The following GLB1 variants were observed in gnomAD, a reference collection of about 807,000 sequenced individuals.
GLB1 encodes beta-galactosidase.
In GLB1, 56 loss-of-function variants were observed where a neutral mutation model predicts 74.0. The observed-to-expected ratio is 0.76, with a 90% CI of 0.61 to 0.94. The LOEUF is 0.94. Ranked by LOEUF, GLB1 falls within the 40% of genes least tolerant of loss-of-function variation. The pLI is 0.00. For synonymous variants in GLB1, 323 were observed against 323.6 expected (o/e 1.00, Z 0.02); for missense variants, 787 against 845.5 (o/e 0.93, Z 0.86).
At chr3:32,963,295 A>T in the GLB1 span, among the ~76,000 whole-genome samples, 1 of 152,214 alleles carries the variant, frequency 6.6e-6, no homozygotes, top group Non-Finnish European at 1.5e-5. Context: ...AAACAGAAAA[A>T]AAATATTTAA....
chr3:32,997,201 G>A lies in GLB1; in HGVS notation c.1878C>T (p.Cys626=). The A allele has an allele frequency of 6.2e-7, 1 of 1,614,202 alleles. No individual in the cohort carries two copies. Among genetic ancestry groups the A allele is most frequent in the Non-Finnish European group, 8.5e-7 (1 of 1,180,044 alleles). ...ITVLELEWAP[C]SSDDPELCAV... is the part of the protein sequence containing the mutation. ...CACATAGTTCTGGATCATCACTGCTGCAGGGTGCCCACTCCAGTTCCAGCA... is the reference window on the plus strand; with the variant it reads ...CACATAGTTCTGGATCATCACTGCTACAGGGTGCCCACTCCAGTTCCAGCA... Residue 626 remains cysteine, a synonymous_variant, in exon 16 of 16, where the codon TGC becomes TGT. Coordinates refer to ENST00000307363, the MANE Select transcript of GLB1 (RefSeq NM_000404.4).
At chr3:32,967,852 G>A in the GLB1 span, among the ~76,000 whole-genome samples, 13 of 152,124 alleles carry the variant, frequency 8.5e-5, no homozygotes, top group Admixed American at 2.6e-4. Flanking sequence ...GCCTGGTAGC[G>A]GAACGGAACT....
chr3:33,069,028 C>G (rs1239935564), intron 2 of GLB1, 58 bp from the exon 3 acceptor site: 7 of 1,613,572 alleles, frequency 4.3e-6, no homozygotes, highest in Non-Finnish European at 5.9e-6. Context: ...AAGAAAGAAG[C>G]GTGGGGAAAG....
intron 14 of GLB1, among the ~76,000 whole-genome samples, chr3:33,015,390 C>T (rs1215656958): frequency 6.6e-6 from 1 of 152,146 alleles, no homozygotes; most frequent in East Asian, 1.9e-4. Flanking sequence ...GTAATGATGA[C>T]GATGGCAAAC....
chr3:33,057,956 A>T, intron 6 of GLB1, 133 bp downstream of exon 6: 3 of 1,218,630 alleles, frequency 2.5e-6, no homozygotes, highest in Non-Finnish European at 3.5e-6. Flanking sequence ...ATTCTATTCT[A>T]CCTGTTCCTT....
chr3:33,047,711 T>C (rs1698797976), intron 9 of GLB1, among the ~76,000 whole-genome samples: 2 of 152,208 alleles, frequency 1.3e-5, no homozygotes. Flanking sequence ...GACCTACTGG[T>C]TGTGGAGGTG....
chr3:33,054,369 A>G (rs898309855), intron 6 of GLB1, among the ~76,000 whole-genome samples: 1 of 152,120 alleles, frequency 6.6e-6, no homozygotes, highest in Non-Finnish European at 1.5e-5. Flanking sequence ...ACCAGAGAAC[A>G]TTGCTTCCTC....
intron 1 of GLB1, among the ~76,000 whole-genome samples, chr3:33,089,511 T>A (rs909506277): frequency 6.6e-6 from 1 of 152,206 alleles, no homozygotes; most frequent in Non-Finnish European, 1.5e-5. Context: ...AACAAGCCCA[T>A]GAAAACATGC....
chr3:33,082,542 C>T (rs542427442), intron 1 of GLB1, among the ~76,000 whole-genome samples: 53 of 152,330 alleles, frequency 3.5e-4, no homozygotes, highest in Non-Finnish European at 7.1e-4. Context: ...GATCACAGTA[C>T]ATGATGGTGG....
At chr3:32,998,933 C>T (rs140519190) in intron 15 of GLB1, among the ~76,000 whole-genome samples, 11 of 152,280 alleles carry the variant, frequency 7.2e-5, no homozygotes, top group African/African-American at 2.4e-4. Flanking sequence ...TACCTGAGTT[C>T]GTATCTGTGT....
chr3:33,077,482 T>C lies in GLB1; in HGVS notation c.76-4769A>G, dbSNP rs1700157548. 4.2e-6 allele frequency: 3 copies of C among 709,410 alleles called. No individual in the cohort carries two copies. In the Admixed American group the frequency reaches 7.1e-5, roughly 17 times the overall value. The allele number at this position is 709,410 out of a possible 1,614,324, so 43.9% of individuals were successfully genotyped here. On this transcript the variant is annotated intron_variant, in intron 1 of 15. Coordinates refer to ENST00000307363, the MANE Select transcript of GLB1 (RefSeq NM_000404.4). ...ATATGTTCCAACAGCAGTCAGGGGGTGTCTACTAAAAAGGGAACCTCCCAC... is the reference window on the plus strand; with the variant it reads ...ATATGTTCCAACAGCAGTCAGGGGGCGTCTACTAAAAAGGGAACCTCCCAC...
the GLB1 span, among the ~76,000 whole-genome samples, chr3:32,970,236 C>T: frequency 6.6e-6 from 1 of 152,098 alleles, no homozygotes; most frequent in Non-Finnish European, 1.5e-5. Context: ...AGTGCATGAA[C>T]CGAACACTCA....
chr3:33,024,438 G>C (rs1303688608), intron 10 of GLB1, 113 bp from the exon 11 acceptor site: 1 of 1,192,004 alleles, frequency 8.4e-7, no homozygotes, highest in Non-Finnish European at 1.2e-6. Context: ...CAGTGCCACT[G>C]CTTTTTTGGA....
intron 10 of GLB1, chr3:33,045,338 A>G: frequency 1.0e-6 from 1 of 980,588 alleles, no homozygotes; most frequent in Non-Finnish European, 1.2e-6. Flanking sequence ...TTATTTTTAA[A>G]CTGTACAAGT....
At chr3:32,997,404 TG>T (rs975683379) in intron 15 of GLB1, 60 bp from the exon 16 acceptor site, 189 of 1,603,948 alleles carry the variant, frequency 1.2e-4, no homozygotes, top group Non-Finnish European at 1.6e-4. Context: ...CTGAGGAAGG[TG>T]GGGGCCCTGA....
chr3:33,095,197 C>T (rs1452378122), intron 1 of GLB1, among the ~76,000 whole-genome samples: 35 of 110,108 alleles, frequency 3.2e-4, no homozygotes, highest in African/African-American at 1.2e-3. Context: ...GGCAAAAGAG[C>T]GAGACTCTGT....
chr3:32,985,829 C>G, the GLB1 span, among the ~76,000 whole-genome samples: 1 of 152,098 alleles, frequency 6.6e-6, no homozygotes, highest in Admixed American at 6.5e-5. Context: ...CCTCAGCCTC[C>G]CAAGTAGCTG....
chr3:33,028,691 G>A (rs1190693072), intron 10 of GLB1, among the ~76,000 whole-genome samples: 2 of 147,700 alleles, frequency 1.4e-5, no homozygotes, highest in African/African-American at 2.5e-5. Flanking sequence ...TTGATACGGA[G>A]TTTCGCTCTT....
chr3:33,060,260 G>A (rs909213989), intron 5 of GLB1, among the ~76,000 whole-genome samples: 1 of 152,220 alleles, frequency 6.6e-6, no homozygotes, highest in African/African-American at 2.4e-5. Flanking sequence ...ACTGTAGCAC[G>A]CATGCCCAGG....
Sources: allele counts gnomAD v4.1 joint callset (sites outside exome capture counted in the v4.1 genomes callset), GRCh38; gene constraint gnomAD v4.1.1; transcripts MANE v1.5; gene names NCBI Gene and HGNC (gene_info 2026-07-23, HGNC 2026-07-21).